The following SNX29 variants were observed in gnomAD, a reference collection of about 807,000 sequenced individuals.
The protein encoded by SNX29 is sorting nexin 29, also known as sorting nexin-29.
A neutral mutation model predicts 102.1 loss-of-function variants in SNX29; 78 were observed. That is an observed-to-expected ratio of 0.76 (90% CI 0.64 to 0.92). The LOEUF (loss-of-function observed/expected upper bound fraction) is 0.92. Ranked by LOEUF, SNX29 falls within the 40% of genes least tolerant of loss-of-function variation. The pLI is 0.00. For synonymous variants in SNX29, 580 were observed against 414.5 expected, an observed-to-expected ratio of 1.40 and a Z score of -4.85; for missense variants, 1,280 against 1,061.7, an observed-to-expected ratio of 1.21 and a Z score of -2.86.
intron 20 of SNX29, among the ~76,000 whole-genome samples, chr16:12,547,748 C>A (rs549545526): frequency 6.6e-6 from 1 of 152,286 alleles, no homozygotes; most frequent in East Asian, 1.9e-4. Context: ...TAAGCCTCCT[C>A]CTGTGAAGCT....
intron 14 of SNX29, among the ~76,000 whole-genome samples, chr16:12,209,426 G>A (rs936883159): frequency 3.3e-5 from 5 of 152,230 alleles, no homozygotes; most frequent in African/African-American, 1.2e-4. Context: ...CTGGCCTCAA[G>A]TAATCTGCCC....
At chr16:12,327,127 CT>C (rs1014346896) in intron 15 of SNX29, among the ~76,000 whole-genome samples, 3 of 152,150 alleles carry the variant, frequency 2.0e-5, no homozygotes, top group African/African-American at 7.2e-5. Flanking sequence ...TGTCTTCCCC[CT>C]GTAAGTCAAT....
intron 4 of SNX29, among the ~76,000 whole-genome samples, chr16:12,032,720 A>G (rs982482036): frequency 1.3e-5 from 2 of 151,884 alleles, no homozygotes; most frequent in South Asian, 2.1e-4. Context: ...TGATAATTCT[A>G]TGTTTAATTA....
At chr16:12,135,974 C>G (rs1230941943) in intron 13 of SNX29, among the ~76,000 whole-genome samples, 1 of 152,246 alleles carries the variant, frequency 6.6e-6, no homozygotes, top group African/African-American at 2.4e-5. Context: ...GAGCACCGCT[C>G]CAGACTTCCC....
At chr16:12,368,115 A>T in intron 16 of SNX29, among the ~76,000 whole-genome samples, 1 of 152,168 alleles carries the variant, frequency 6.6e-6, no homozygotes, top group Admixed American at 6.5e-5. Flanking sequence ...TTTCTGATGC[A>T]CTTGTGTGAA....
intron 19 of SNX29, among the ~76,000 whole-genome samples, chr16:12,495,645 A>G (rs3865110): frequency 0.49 from 75,237 of 152,160 alleles, 19,502 homozygotes; most frequent in South Asian, 0.65. Flanking sequence ...AGGATTTTAA[A>G]CAGGGTAGTG....
chr16:12,329,654 C>T (rs1324806857), intron 15 of SNX29, among the ~76,000 whole-genome samples: 2 of 152,224 alleles, frequency 1.3e-5, no homozygotes, highest in Non-Finnish European at 2.9e-5. Flanking sequence ...CGTGTCTATC[C>T]ATGCCAGCTG....
intron 8 of SNX29, among the ~76,000 whole-genome samples, chr16:12,058,797 GTTTTTTTTTTTT>G (rs34150245): frequency 3.5e-5 from 4 of 113,762 alleles, no homozygotes; most frequent in Non-Finnish European, 7.1e-5. Flanking sequence ...CCCGGCCTGG[GTTTTTTTTTTTT>G]TTTTTTTTTT....
intron 14 of SNX29, among the ~76,000 whole-genome samples, chr16:12,269,770 G>C (rs747805564): frequency 6.6e-6 from 1 of 152,064 alleles, no homozygotes; most frequent in Non-Finnish European, 1.5e-5. Context: ...AGAGAAGTAT[G>C]TTTTTCTCTT....
chr16:12,328,738 A>C (rs535640308), intron 15 of SNX29, among the ~76,000 whole-genome samples: 2 of 152,256 alleles, frequency 1.3e-5, no homozygotes, highest in South Asian at 4.1e-4. Context: ...TCATCTGTGT[A>C]TCTCTCCCTG....
Position 12,069,040 on chromosome 16 carries a change from T to C in SNX29, c.1244-17T>C, listed in dbSNP as rs2051169335. The C allele has an allele frequency of 6.2e-7, 1 of 1,612,360 alleles. No homozygotes were observed. The highest frequency in any genetic ancestry group is 8.5e-7 in the Non-Finnish European group (1 of 1,178,860). Reference sequence around the variant, plus strand: ...TGAGAAAAGTGACCTCTTTCTGTGATTGCTCTCTCTGCACAGATGCCCCCC... The same window carrying C: ...TGAGAAAAGTGACCTCTTTCTGTGACTGCTCTCTCTGCACAGATGCCCCCC... On this transcript the variant is annotated splice_polypyrimidine_tract_variant and intron_variant, in intron 9 of 20. Coordinates refer to ENST00000566228, the MANE Select transcript of SNX29 (RefSeq NM_032167.5).
rs547822698 is a variant in SNX29, at chr16:12,105,891, T to C, written c.1403-20742T>C. On this transcript the variant is annotated intron_variant, in intron 11 of 20. Transcript: ENST00000566228. The stretch of plus-strand genomic sequence containing the variant: ...TGAGTGGAGAAGTTGGGTGGGGGAC[T>C]GCGACCATATTTACCAGCGAGCTCA... Among the ~76,000 whole-genome samples, 4 of 152,272 alleles carry C rather than the reference T, an allele frequency of 2.6e-5. No homozygotes were observed. The South Asian group carries it at 8.3e-4, about 32-fold the overall frequency.
chr16:12,176,160 G>C (rs830732), intron 13 of SNX29, among the ~76,000 whole-genome samples: 136,842 of 152,202 alleles, frequency 0.9, 63,316 homozygotes, highest in East Asian at 1. Context: ...ACACCTCAGT[G>C]TTAGACTTCC....
intron 18 of SNX29, among the ~76,000 whole-genome samples, chr16:12,439,801 T>A (rs1406136528): frequency 6.6e-6 from 1 of 152,210 alleles, no homozygotes. Context: ...TTCCCACTTT[T>A]CTGCTAGGGC....
At chr16:12,013,498 AAAATAT>A (rs1232025970) in intron 3 of SNX29, among the ~76,000 whole-genome samples, 18 of 33,504 alleles carry the variant, frequency 5.4e-4, no homozygotes, top group African/African-American at 7.7e-4. Flanking sequence ...GAAAAAAAAA[AAAATAT>A]ATATATATAT....
intron 6 of SNX29, among the ~76,000 whole-genome samples, chr16:12,047,233 A>T (rs1181236668): frequency 6.6e-6 from 1 of 152,162 alleles, no homozygotes; most frequent in Non-Finnish European, 1.5e-5. Context: ...CCCTGGGTTG[A>T]TGTTAGTCGG....
At chr16:12,565,229 G>C (rs2078948108) in intron 20 of SNX29, among the ~76,000 whole-genome samples, 1 of 152,120 alleles carries the variant, frequency 6.6e-6, no homozygotes, top group South Asian at 2.1e-4. Flanking sequence ...CCAGTATTAG[G>C]CTGTTCTCAA....
intron 14 of SNX29, among the ~76,000 whole-genome samples, chr16:12,271,763 C>T (rs1428577069): frequency 2.0e-5 from 3 of 152,010 alleles, no homozygotes; most frequent in Non-Finnish European, 2.9e-5. Context: ...GCTGGGATTA[C>T]AGGCATGTGC....
At chr16:12,013,500 A>AAAAAAAAAATATATATAT in intron 3 of SNX29, among the ~76,000 whole-genome samples, 1 of 31,624 alleles carries the variant, frequency 3.2e-5, no homozygotes, top group Non-Finnish European at 6.1e-5. Context: ...AAAAAAAAAA[A>AAAAAAAAAATATATATAT]ATATATATAT....
Sources: allele counts gnomAD v4.1 joint callset (sites outside exome capture counted in the v4.1 genomes callset), GRCh38; gene constraint gnomAD v4.1.1; transcripts MANE v1.5; gene names NCBI Gene and HGNC (gene_info 2026-07-23, HGNC 2026-07-21).